WASHC4: variants seen among roughly 807,000 people sequenced by gnomAD.
The protein encoded by WASHC4 is WASH complex subunit 4.
WASHC4 carries 86 observed loss-of-function variants against 166.6 expected under a neutral mutation model. That is an observed-to-expected ratio of 0.52 (90% CI 0.43 to 0.62). The LOEUF (loss-of-function observed/expected upper bound fraction) is 0.62, where lower values mean the gene tolerates loss of function less well. WASHC4 is among the 20% of genes least tolerant of loss of function. WASHC4 has a pLI of 0.00. For missense variants in WASHC4, 1,262 were observed against 1,382.4 expected (o/e 0.91, Z 1.38); for synonymous variants, 446 against 451.6 (o/e 0.99, Z 0.16).
chr12:105,138,119 T>G, intron 15 of WASHC4, 108 bp downstream of exon 15: 1 of 1,131,514 alleles, frequency 8.8e-7, no homozygotes, highest in Non-Finnish European at 1.2e-6. Flanking sequence ...GAACAGAAAA[T>G]TGTGAGAAAG....
intron 9 of WASHC4, 99 bp from the exon 10 acceptor site, chr12:105,122,019 A>G: frequency 1.2e-6 from 1 of 822,038 alleles, no homozygotes; most frequent in Non-Finnish European, 1.9e-6. Flanking sequence ...GCCAAACAAG[A>G]AATATAAATA....
chr12:105,116,283 C>A (rs1444611), intron 6 of WASHC4, among the ~76,000 whole-genome samples: 26,100 of 151,988 alleles, frequency 0.17, 2,472 homozygotes, highest in East Asian at 0.25. Flanking sequence ...GAAAAAATAC[C>A]CATAGTCCCA....
chr12:105,157,086 A>T lies in WASHC4; in HGVS notation c.2826-150A>T, dbSNP rs1239985229. 1.3e-5 allele frequency: 8 copies of T among 627,874 alleles called. No individual in the cohort carries two copies. In the Admixed American group the frequency reaches 1.4e-4, roughly 11 times the overall value. 38.9% of individuals were successfully genotyped at this position (627,874 alleles called of 1,614,324 possible). A position where few individuals can be genotyped will look rare whatever the true frequency, so the allele number is the denominator to read the frequency against. ...TATCTAAAATTCAATTTGGAACTAA[A>T]GTGGTGATATGAATAATATTACTGA... is the stretch of plus-strand genomic sequence containing the variant. On this transcript the variant is annotated intron_variant, in intron 27 of 32. Coordinates refer to ENST00000332180, the MANE Select transcript of WASHC4 (RefSeq NM_015275.3).
intron 14 of WASHC4, among the ~76,000 whole-genome samples, chr12:105,136,235 C>A (rs191384090): frequency 3.9e-4 from 60 of 152,230 alleles, no homozygotes; most frequent in Middle Eastern, 6.8e-3. Context: ...TTTTATTTCC[C>A]TTCCCTGTGA....
Position 105,162,773 on chromosome 12 carries a change from A to C in WASHC4, c.3085A>C (p.Ile1029Leu). 1 of 1,595,474 alleles carries C rather than the reference A, an allele frequency of 6.3e-7. No homozygotes were observed. Among genetic ancestry groups the C allele is most frequent in the Non-Finnish European group, 8.6e-7 (1 of 1,165,480 alleles). ...PLTLNFVEHS[I>L]SCKEKLNKKN... The stretch of plus-strand genomic sequence containing the variant: ...GACCCTCAACTTTGTAGAGCATTCC[A>C]TTAGTTGCAAGGAAAAATTAAATAA... Residue 1029 changes from isoleucine (I) to leucine (L), a missense_variant, in exon 30 of 33, where the codon ATT becomes CTT. Coordinates refer to ENST00000332180, the MANE Select transcript of WASHC4 (RefSeq NM_015275.3).
intron 12 of WASHC4, 146 bp from the exon 13 acceptor site, chr12:105,126,983 T>C (rs1881346098): frequency 4.4e-6 from 3 of 687,494 alleles, no homozygotes; most frequent in South Asian, 1.8e-5. Flanking sequence ...GTGAAAGATA[T>C]TTGTCTCATA....
At chr12:105,116,607 T>G (rs1880207214) in intron 6 of WASHC4, among the ~76,000 whole-genome samples, 1 of 152,212 alleles carries the variant, frequency 6.6e-6, no homozygotes, top group Non-Finnish European at 1.5e-5. Flanking sequence ...GAGTAGATTT[T>G]AGCTGCTTTT....
chr12:105,114,352 A>C lies in WASHC4; in HGVS notation c.256-10A>C. The C allele has an allele frequency of 6.2e-7, 1 of 1,600,302 alleles. No homozygotes were observed. The highest frequency in any genetic ancestry group is 8.5e-7 in the Non-Finnish European group (1 of 1,171,578). On this transcript the variant is annotated splice_polypyrimidine_tract_variant and intron_variant, in intron 3 of 32. Transcript: ENST00000332180. ...TTTACTTTTTATTTTGTTTTTACTC[A>C]TGAAACTAGGTCTTAAACAAAGTCA...
At chr12:105,120,150 T>C (rs1175439633) in intron 7 of WASHC4, among the ~76,000 whole-genome samples, 2 of 152,250 alleles carry the variant, frequency 1.3e-5, no homozygotes, top group African/African-American at 4.8e-5. Flanking sequence ...TAGTTGGTAA[T>C]TGAGAAATTC....
At chr12:105,134,328 G>A (rs567300449) in intron 14 of WASHC4, among the ~76,000 whole-genome samples, 5 of 152,104 alleles carry the variant, frequency 3.3e-5, no homozygotes, top group Non-Finnish European at 7.4e-5. Context: ...AACATTTCAC[G>A]TCTACTTGAA....
intron 11 of WASHC4, 23 bp from the exon 12 acceptor site, chr12:105,126,212 C>A (rs76617209): frequency 6.2e-7 from 1 of 1,612,344 alleles, no homozygotes; most frequent in South Asian, 1.1e-5. Flanking sequence ...GTTCTGCTTT[C>A]TCTTATGTTA....
chr12:105,144,686 GT>G, intron 21 of WASHC4, 31 bp from the exon 22 acceptor site: 1 of 1,584,536 alleles, frequency 6.3e-7, no homozygotes, highest in Non-Finnish European at 8.6e-7. Flanking sequence ...CTTTTCTACT[GT>G]TTCACAAGTT....
intron 13 of WASHC4, among the ~76,000 whole-genome samples, chr12:105,131,082 A>ATTTT (rs910009603): frequency 3.4e-5 from 5 of 148,652 alleles, no homozygotes; most frequent in African/African-American, 1.2e-4. Context: ...TTATTTATTT[A>ATTTT]TTTTTTTTTT....
chr12:105,157,310 T>A lies in WASHC4; in HGVS notation c.2900T>A (p.Leu967Ter), dbSNP rs1178328274. 1.3e-6 allele frequency: 2 copies of A among 1,537,476 alleles called. No homozygotes were observed. The highest frequency in any genetic ancestry group is 1.8e-6 in the Non-Finnish European group (2 of 1,115,728). Residue 967 changes from leucine (L) to a stop codon, truncating the protein, a stop_gained, in exon 28 of 33, where the codon TTA becomes TAA. Transcript: ENST00000332180. LOFTEE classifies it high-confidence loss of function. The stretch of plus-strand genomic sequence containing the variant: ...GAAGAAGGTCTTGCAGAAGAAACAT[T>A]AAAAGCAGCAAGGTAATCTAAATTT... ...VKEEGLAEETLKAARHLDSVL... is the reference protein window; with the variant it reads ...VKEEGLAEET
intron 25 of WASHC4, among the ~76,000 whole-genome samples, chr12:105,151,981 T>C (rs1468929142): frequency 6.6e-6 from 1 of 152,198 alleles, no homozygotes; most frequent in African/African-American, 2.4e-5. Context: ...AGAAGGAGTA[T>C]GTTTCTAAGT....
At chr12:105,162,918 G>A in intron 30 of WASHC4, 73 bp downstream of exon 30, 1 of 768,336 alleles carries the variant, frequency 1.3e-6, no homozygotes, top group Non-Finnish European at 2.2e-6. Flanking sequence ...ACATCTGCTT[G>A]AGAATAGGTC....
chr12:105,111,438 G>A (rs2135718173), intron 2 of WASHC4, among the ~76,000 whole-genome samples, 174 bp downstream of exon 2: 1 of 152,208 alleles, frequency 6.6e-6, no homozygotes, highest in African/African-American at 2.4e-5. Flanking sequence ...TTTTTTAAAT[G>A]TGTGTGTTTT....
intron 7 of WASHC4, among the ~76,000 whole-genome samples, chr12:105,120,274 C>A (rs1450118632): frequency 2.0e-5 from 3 of 152,166 alleles, no homozygotes; most frequent in African/African-American, 7.2e-5. Context: ...ATCATCATAG[C>A]CCTACCCATG....
intron 31 of WASHC4, 64 bp downstream of exon 31, chr12:105,164,371 T>A (rs752857665): frequency 1.8e-5 from 25 of 1,407,958 alleles, no homozygotes; most frequent in Non-Finnish European, 2.4e-5. Context: ...GACTTCTTAA[T>A]GTCTGAAAAG....
Sources: gnomAD v4.1 joint callset for allele counts (sites outside exome capture counted in the v4.1 genomes callset) on GRCh38, gnomAD v4.1.1 for gene constraint, MANE v1.5 for transcripts, NCBI Gene and HGNC (gene_info 2026-07-23, HGNC 2026-07-21) for gene names.